The following PDLIM5 variants were observed in gnomAD, a reference collection of about 807,000 sequenced individuals.
PDLIM5 encodes the protein PDZ and LIM domain 5.
A neutral mutation model predicts 64.2 loss-of-function variants in PDLIM5; 34 were observed. That is an observed-to-expected ratio of 0.53 (90% CI 0.40 to 0.71). The LOEUF (loss-of-function observed/expected upper bound fraction) is 0.71. Among genes scored for constraint, PDLIM5 ranks in the 30% least tolerant of loss-of-function variants. The pLI is 0.00. For missense variants in PDLIM5, 683 were observed against 733.6 expected, an observed-to-expected ratio of 0.93 and a Z score of 0.80; for synonymous variants, 253 against 269.1, an observed-to-expected ratio of 0.94 and a Z score of 0.59.
At chr4:94,496,870 A>G (rs899580273) in intron 2 of PDLIM5, among the ~76,000 whole-genome samples, 4 of 152,222 alleles carry the variant, frequency 2.6e-5, no homozygotes, top group African/African-American at 7.2e-5. Flanking sequence ...TAAAAATGAG[A>G]GCATAAGTAG....
intron 2 of PDLIM5, among the ~76,000 whole-genome samples, chr4:94,504,235 C>A (rs1728182373): frequency 6.6e-6 from 1 of 151,728 alleles, no homozygotes; most frequent in African/African-American, 2.4e-5. Context: ...AGTTTGTGAT[C>A]TGATTGAAAT....
At chr4:94,564,673 T>TTTTTTTTTTTTTTTTTTTTTTG (rs1195951922) in intron 3 of PDLIM5, among the ~76,000 whole-genome samples, 1 of 144,860 alleles carries the variant, frequency 6.9e-6, no homozygotes, top group African/African-American at 2.8e-5. Flanking sequence ...TTTTTTTTTT[T>TTTTTTTTTTTTTTTTTTTTTTG]TTGACAGAGT....
At chr4:94,583,607 T>C (rs1000401392) in intron 5 of PDLIM5, among the ~76,000 whole-genome samples, 15 of 152,200 alleles carry the variant, frequency 9.9e-5, no homozygotes, top group African/African-American at 3.6e-4. Context: ...AAACATTTTG[T>C]TCATTTTTAA....
chr4:94,462,904 T>A (rs1724031425), intron 2 of PDLIM5, among the ~76,000 whole-genome samples: 1 of 152,230 alleles, frequency 6.6e-6, no homozygotes, highest in Admixed American at 6.5e-5. Flanking sequence ...AAGGATTTTC[T>A]GTGTTTTCAA....
chr4:94,530,597 G>A (rs1173574707), intron 3 of PDLIM5, among the ~76,000 whole-genome samples: 15 of 149,328 alleles, frequency 1.0e-4, no homozygotes, highest in Admixed American at 1.0e-3. Context: ...GCATGTCTGT[G>A]GTTTTTTAAA....
intron 3 of PDLIM5, among the ~76,000 whole-genome samples, chr4:94,552,641 C>T (rs1183961085): frequency 6.6e-6 from 1 of 151,942 alleles, no homozygotes; most frequent in Non-Finnish European, 1.5e-5. Flanking sequence ...GCAAAGTCTA[C>T]TCTCGGTAAA....
intron 7 of PDLIM5, among the ~76,000 whole-genome samples, chr4:94,603,856 C>A (rs1737696685): frequency 1.3e-5 from 2 of 152,176 alleles, no homozygotes; most frequent in South Asian, 2.1e-4. Flanking sequence ...CCTTAAGTAA[C>A]CTGGTAGGGG....
chr4:94,544,734 C>T (rs1289073068), intron 3 of PDLIM5, among the ~76,000 whole-genome samples: 2 of 152,222 alleles, frequency 1.3e-5, no homozygotes, highest in Non-Finnish European at 2.9e-5. Context: ...CAGCTCACTA[C>T]AACCTCCGCC....
chr4:94,654,460 A>G lies in PDLIM5; in HGVS notation c.1284A>G (p.Arg428=). The change falls in exon 10 of 13, where the codon AGA becomes AGG. Residue 428 remains arginine (R), a splice_region_variant and synonymous_variant. Transcript: ENST00000317968. ...AGTTGGCCTCTTTTTCTTCTGTCAG[A>G]GGACCATTCTTAGTGGCACTGGGGA... ...PMCAHCNQVI[R]GPFLVALGKS... is the part of the protein sequence containing the mutation. 6.2e-7 allele frequency: 1 copy of G among 1,602,174 alleles called. No homozygotes were observed. Among genetic ancestry groups the G allele is most frequent in the Non-Finnish European group, 8.5e-7 (1 of 1,170,072 alleles).
intron 7 of PDLIM5, among the ~76,000 whole-genome samples, chr4:94,588,652 A>G (rs1560724541): frequency 1.3e-5 from 2 of 152,216 alleles, no homozygotes; most frequent in South Asian, 4.1e-4. Context: ...AATTATTACA[A>G]TATGTAGTAT....
chr4:94,585,795 A>G (rs780031105), intron 6 of PDLIM5, 58 bp downstream of exon 6: 356 of 1,329,960 alleles, frequency 2.7e-4, no homozygotes, highest in Non-Finnish European at 3.6e-4. Context: ...AGAGAGTGGC[A>G]TTGAGACTGA....
At chr4:94,526,691 T>C (rs1730384044) in intron 3 of PDLIM5, among the ~76,000 whole-genome samples, 1 of 152,090 alleles carries the variant, frequency 6.6e-6, no homozygotes, top group African/African-American at 2.4e-5. Flanking sequence ...TTCTCTCTTA[T>C]ATCAAAGTAA....
intron 2 of PDLIM5, among the ~76,000 whole-genome samples, chr4:94,480,496 G>C (rs544919706): frequency 2.0e-5 from 3 of 152,338 alleles, no homozygotes; most frequent in African/African-American, 7.2e-5. Flanking sequence ...GGGACCCAGA[G>C]AGATGATGGG....
At chr4:94,569,524 TGGCCA>T (rs1734627244) in intron 3 of PDLIM5, among the ~76,000 whole-genome samples, 2 of 152,258 alleles carry the variant, frequency 1.3e-5, no homozygotes, top group South Asian at 4.2e-4. Context: ...TTCACCATGT[TGGCCA>T]GGCTGGTCTC....
chr4:94,603,960 G>C (rs1737704858), intron 7 of PDLIM5, among the ~76,000 whole-genome samples: 1 of 152,118 alleles, frequency 6.6e-6, no homozygotes, highest in Non-Finnish European at 1.5e-5. Flanking sequence ...AGATATTAGA[G>C]GTATTAATAA....
intron 2 of PDLIM5, among the ~76,000 whole-genome samples, chr4:94,473,551 C>T (rs1389561091): frequency 1.3e-5 from 2 of 152,176 alleles, no homozygotes; most frequent in Non-Finnish European, 2.9e-5. Flanking sequence ...TGAGCCACCG[C>T]GCCTGGCCCA....
intron 3 of PDLIM5, among the ~76,000 whole-genome samples, chr4:94,571,660 C>A (rs1734813021): frequency 6.6e-6 from 1 of 152,102 alleles, no homozygotes; most frequent in African/African-American, 2.4e-5. Flanking sequence ...CGTAATTATA[C>A]CTCAATTTTT....
intron 3 of PDLIM5, among the ~76,000 whole-genome samples, chr4:94,543,099 T>G (rs1731970199): frequency 6.6e-6 from 1 of 152,166 alleles, no homozygotes; most frequent in African/African-American, 2.4e-5. Context: ...TAAAACTCTT[T>G]TTGGGTACGA....
At chr4:94,588,118 C>T (rs1736388532) in intron 7 of PDLIM5, 7 of 949,194 alleles carry the variant, frequency 7.4e-6, no homozygotes, top group Middle Eastern at 5.4e-4. Flanking sequence ...ATAAAGTTGC[C>T]TTTAACTTAG....
Sources: allele counts gnomAD v4.1 joint callset (sites outside exome capture counted in the v4.1 genomes callset), GRCh38; gene constraint gnomAD v4.1.1; transcripts MANE v1.5; gene names NCBI Gene and HGNC (gene_info 2026-07-23, HGNC 2026-07-21).